Variants in PSMC6 observed in about 807,000 individuals in gnomAD.
PSMC6 encodes the protein 26S proteasome regulatory subunit 10B.
Under a neutral mutation model 55.9 loss-of-function variants are expected in PSMC6, and 3 were observed. The ratio of observed to expected loss-of-function variants is 0.05; its 90% confidence interval spans 0.02 to 0.14. The LOEUF is 0.14. Among genes scored for constraint, PSMC6 ranks in the 10% least tolerant of loss-of-function variants. The pLI is 1.00. For synonymous variants in PSMC6, 137 were observed against 155.9 expected, an observed-to-expected ratio of 0.88 and a Z score of 0.90; for missense variants, 210 against 478.7, an observed-to-expected ratio of 0.44 and a Z score of 5.24.
rs751123300 is a variant in PSMC6, at chr14:52,711,406, C to T, written c.327-4C>T. On this transcript the variant is annotated splice_polypyrimidine_tract_variant and splice_region_variant and intron_variant, in intron 5 of 13. Transcript: ENST00000445930. ...AAAGAAAAATACATACCTTTTCATT[C>T]TAGATATTTGCCGAGAGAGGTGGAT... 24 of 1,585,766 alleles carry T rather than the reference C, an allele frequency of 1.5e-5. No individual in the cohort carries two copies. The South Asian group carries it at 2.4e-4, about 16-fold the overall frequency.
At chr14:52,708,226 C>G (rs897464286) in intron 1 of PSMC6, 83 bp from the exon 2 acceptor site, 6 of 1,182,804 alleles carry the variant, frequency 5.1e-6, no homozygotes, top group Non-Finnish European at 6.2e-6. Context: ...AGTAGACTTA[C>G]GTAAACAGTA....
At chr14:52,710,991 T>G in intron 4 of PSMC6, 110 bp from the exon 5 acceptor site, 1 of 936,216 alleles carries the variant, frequency 1.1e-6, no homozygotes, top group Non-Finnish European at 1.7e-6. Flanking sequence ...GATATTTGTG[T>G]TCTCTCTGGA....
At chr14:52,721,021 T>G in intron 11 of PSMC6, 40 bp downstream of exon 11, 1 of 1,599,048 alleles carries the variant, frequency 6.3e-7, no homozygotes. Flanking sequence ...TTTCCCTTTG[T>G]GCCCATTTCT....
At chr14:52,713,382 A>C (rs902393642) in intron 6 of PSMC6, among the ~76,000 whole-genome samples, 2 of 152,272 alleles carry the variant, frequency 1.3e-5, no homozygotes, top group African/African-American at 4.8e-5. Context: ...AAATGCCAAC[A>C]GATAAAAATT....
At chr14:52,723,871 C>A in intron 12 of PSMC6, 94 bp from the exon 13 acceptor site, 1 of 1,534,866 alleles carries the variant, frequency 6.5e-7, no homozygotes, top group South Asian at 1.3e-5. Context: ...TGATCAAACT[C>A]AAAGTAAGCT....
At chr14:52,717,434 C>A (rs1018937598) in intron 7 of PSMC6, among the ~76,000 whole-genome samples, 1 of 145,556 alleles carries the variant, frequency 6.9e-6, no homozygotes, top group Non-Finnish European at 1.5e-5. Flanking sequence ...CTCCCGGATT[C>A]AAGCGATTCT....
Position 52,720,990 on chromosome 14 carries a change from A to T in PSMC6, c.898+9A>T. 6.2e-7 allele frequency: 1 copy of T among 1,612,194 alleles called. No individual in the cohort carries two copies. Among genetic ancestry groups the T allele is most frequent in the African/African-American group, 1.3e-5 (1 of 75,008 alleles). On this transcript the variant is annotated intron_variant, in intron 11 of 13. Transcript: ENST00000445930. ...ATTAGATAGAAAAATACGTGAGTTAAGATTCTTTACCTACTGTCCATTTCC... is the reference window on the plus strand; with the variant it reads ...ATTAGATAGAAAAATACGTGAGTTATGATTCTTTACCTACTGTCCATTTCC...
At chr14:52,722,916 AC>A (rs199833706) in intron 12 of PSMC6, 133 of 152,262 alleles carry the variant, frequency 8.7e-4, no homozygotes, top group African/African-American at 3.0e-3. Context: ...AAGTTTGCTG[AC>A]CTCCAGACTA....
chr14:52,722,753 G>A (rs1880251170), intron 12 of PSMC6: 2 of 152,082 alleles, frequency 1.3e-5, no homozygotes, highest in South Asian at 2.1e-4. Context: ...CTGTGTTTTT[G>A]GAAACACACA....
At chr14:52,715,905 C>G (rs2041825730) in intron 7 of PSMC6, among the ~76,000 whole-genome samples, 1 of 152,154 alleles carries the variant, frequency 6.6e-6, no homozygotes, top group South Asian at 2.1e-4. Context: ...GCATGAGCCA[C>G]AATGTCCAGC....
intron 7 of PSMC6, among the ~76,000 whole-genome samples, chr14:52,717,871 CA>C: frequency 6.6e-6 from 1 of 151,850 alleles, no homozygotes; most frequent in Non-Finnish European, 1.5e-5. Context: ...AACAGACAAA[CA>C]AAAAACTTAG....
At chr14:52,717,945 T>A in intron 7 of PSMC6, 136 bp from the exon 8 acceptor site, 1 of 738,860 alleles carries the variant, frequency 1.4e-6, no homozygotes. Context: ...GGAAAATCGC[T>A]TAGGTCTGGG....
Position 52,718,094 on chromosome 14 carries a change from A to T in PSMC6, c.543A>T (p.Thr181=), listed in dbSNP as rs749784314. ...LLYGPPGTGK[T]LLARAVASQL... Reference sequence around the variant, plus strand: ...TGTCATTCTTAGGTACGGGAAAAACACTCTTGGCACGAGCCGTTGCTAGCC... The same window carrying T: ...TGTCATTCTTAGGTACGGGAAAAACTCTCTTGGCACGAGCCGTTGCTAGCC... Residue 181 remains threonine (T), a synonymous_variant, in exon 8 of 14, where the codon ACA becomes ACT. Coordinates refer to ENST00000445930, the MANE Select transcript of PSMC6 (RefSeq NM_002806.5). 1 of 1,612,704 alleles carries T rather than the reference A, an allele frequency of 6.2e-7. No homozygotes were observed. The highest frequency in any genetic ancestry group is 1.1e-5 in the South Asian group (1 of 91,030).
chr14:52,709,520 C>G (rs955801237), intron 4 of PSMC6: 2 of 436,464 alleles, frequency 4.6e-6, no homozygotes, highest in African/African-American at 4.1e-5. Flanking sequence ...TTGACATTTT[C>G]TAAGTCAAAA....
In PSMC6 at chr14:52,720,926, A is replaced by G. The variant is rs142048477; in HGVS notation, c.843A>G (p.Arg281=). Residue 281 remains arginine (R), a synonymous_variant, in exon 11 of 14, where the codon AGA becomes AGG. Coordinates refer to ENST00000445930, the MANE Select transcript of PSMC6 (RefSeq NM_002806.5). The part of the protein sequence containing the change: ...HRVKMIMATN[R]PDTLDPALLR... ...TTAAAATGATCATGGCTACAAACAGACCAGATACACTGGATCCTGCTTTGC... is the reference window on the plus strand; with the variant it reads ...TTAAAATGATCATGGCTACAAACAGGCCAGATACACTGGATCCTGCTTTGC... 3 of 1,613,110 alleles carry G rather than the reference A, an allele frequency of 1.9e-6. No individual in the cohort carries two copies. The highest frequency in any genetic ancestry group is 2.5e-6 in the Non-Finnish European group (3 of 1,179,276).
chr14:52,725,156 C>G (rs1006794413), intron 13 of PSMC6, among the ~76,000 whole-genome samples: 2 of 152,210 alleles, frequency 1.3e-5, no homozygotes, highest in Non-Finnish European at 2.9e-5. Flanking sequence ...TTATGACATT[C>G]TCTTTCCAAA....
chr14:52,722,964 C>T (rs192942558), intron 12 of PSMC6: 54 of 152,270 alleles, frequency 3.5e-4, no homozygotes, highest in African/African-American at 1.1e-3. Flanking sequence ...GCCTTAAAAA[C>T]TCTTTAGAAG....
intron 13 of PSMC6, among the ~76,000 whole-genome samples, chr14:52,726,091 C>CCT (rs1490037458): frequency 6.6e-6 from 1 of 152,098 alleles, no homozygotes; most frequent in African/African-American, 2.4e-5. Context: ...ACAGGCAGAT[C>CCT]CTCAGTGGAA....
chr14:52,720,530 A>G (rs901594648), intron 10 of PSMC6, among the ~76,000 whole-genome samples: 3 of 152,060 alleles, frequency 2.0e-5, no homozygotes, highest in Admixed American at 1.3e-4. Flanking sequence ...AAAATAATTG[A>G]TGAAATTTTG....
Sources: allele counts gnomAD v4.1 joint callset (sites outside exome capture counted in the v4.1 genomes callset), GRCh38; gene constraint gnomAD v4.1.1; transcripts MANE v1.5; gene names NCBI Gene and HGNC (gene_info 2026-07-23, HGNC 2026-07-21).